The following KCNIP1 variants were observed in gnomAD, a reference collection of about 807,000 sequenced individuals.
KCNIP1 encodes potassium voltage-gated channel interacting protein 1.
In KCNIP1, 18 loss-of-function variants were observed where a neutral mutation model predicts 33.0. The observed-to-expected ratio is 0.55, with a 90% CI of 0.38 to 0.81. The LOEUF (loss-of-function observed/expected upper bound fraction) is 0.81, where lower values mean the gene tolerates loss of function less well. Among genes scored for constraint, KCNIP1 ranks in the 30% least tolerant of loss-of-function variants. The pLI is 0.00. For missense variants in KCNIP1, 238 were observed against 271.6 expected (o/e 0.88, Z 0.87); for synonymous variants, 93 against 98.3 (o/e 0.95, Z 0.32).
chr5:170,664,387 C>A (rs749952256), intron 1 of KCNIP1, among the ~76,000 whole-genome samples: 6 of 152,306 alleles, frequency 3.9e-5, no homozygotes, highest in South Asian at 4.1e-4. Flanking sequence ...ATTTCCCTCT[C>A]TGCATTATAA....
intron 1 of KCNIP1, chr5:170,382,940 C>CAAGG (rs60329523): frequency 0.06 from 7,919 of 131,092 alleles, 454 homozygotes; most frequent in African/African-American, 0.16. Flanking sequence ...AAGAAGGAAA[C>CAAGG]AAGGAAGGAA....
chr5:170,691,502 C>A (rs1581506022), intron 1 of KCNIP1, among the ~76,000 whole-genome samples: 1 of 152,194 alleles, frequency 6.6e-6, no homozygotes, highest in South Asian at 2.1e-4. Flanking sequence ...GTTTCCTCAT[C>A]TATAAAGTGG....
intron 1 of KCNIP1, among the ~76,000 whole-genome samples, chr5:170,381,706 G>A (rs973908573): frequency 6.6e-6 from 1 of 152,254 alleles, no homozygotes; most frequent in African/African-American, 2.4e-5. Flanking sequence ...AGTTCATTCA[G>A]GGGATGCTCC....
chr5:170,494,846 G>A (rs776179685), intron 1 of KCNIP1, among the ~76,000 whole-genome samples: 9 of 152,150 alleles, frequency 5.9e-5, no homozygotes. Context: ...CAGAGAGATC[G>A]GGTTCAAACC....
chr5:170,735,638 C>T, intron 7 of KCNIP1, 121 bp from the exon 8 acceptor site: 1 of 805,234 alleles, frequency 1.2e-6, no homozygotes, highest in East Asian at 2.5e-5. Context: ...TCTTGTTTTT[C>T]ATACCCTTGT....
intron 1 of KCNIP1, among the ~76,000 whole-genome samples, chr5:170,392,241 C>T (rs931548133): frequency 1.3e-5 from 2 of 152,206 alleles, no homozygotes; most frequent in East Asian, 1.9e-4. Flanking sequence ...CAGCCCCCAG[C>T]CTGCCAGCCT....
chr5:170,640,842 C>T (rs1171722888), intron 1 of KCNIP1, among the ~76,000 whole-genome samples: 1 of 152,074 alleles, frequency 6.6e-6, no homozygotes, highest in African/African-American at 2.4e-5. Context: ...AGAAGGCAGG[C>T]TTGGCATGGG....
At chr5:170,594,604 A>G (rs150041015) in intron 1 of KCNIP1, among the ~76,000 whole-genome samples, 1,639 of 152,170 alleles carry the variant, frequency 0.011, 28 homozygotes, top group African/African-American at 0.037. Flanking sequence ...TCCGCCTCCC[A>G]GGTTCAAGCA....
At chr5:170,505,077 C>T (rs761550571) in intron 1 of KCNIP1, among the ~76,000 whole-genome samples, 10 of 152,192 alleles carry the variant, frequency 6.6e-5, no homozygotes, top group Non-Finnish European at 1.5e-4. Context: ...GTCCCTTCAT[C>T]AGGAAGAGTG....
At chr5:170,417,270 T>G (rs1486731835) in intron 1 of KCNIP1, among the ~76,000 whole-genome samples, 3 of 152,254 alleles carry the variant, frequency 2.0e-5, no homozygotes, top group Admixed American at 6.5e-5. Flanking sequence ...GGATTTCTAT[T>G]GACTTTTAAT....
At chr5:170,367,412 AG>A (rs1763712719) in intron 1 of KCNIP1, among the ~76,000 whole-genome samples, 1 of 104,040 alleles carries the variant, frequency 9.6e-6, no homozygotes. Flanking sequence ...AAAGAAAGAA[AG>A]AAAGAAAGGA....
At chr5:170,599,358 C>G (rs147480115) in intron 1 of KCNIP1, among the ~76,000 whole-genome samples, 286 of 152,252 alleles carry the variant, frequency 1.9e-3, no homozygotes, top group African/African-American at 6.6e-3. Flanking sequence ...TAAGAAGACT[C>G]CTCACTCCCC....
chr5:170,441,688 G>A (rs535826661), intron 1 of KCNIP1, among the ~76,000 whole-genome samples: 4 of 152,142 alleles, frequency 2.6e-5, no homozygotes, highest in African/African-American at 4.8e-5. Context: ...CAAGTGGGCC[G>A]GGCGCCGTGG....
chr5:170,570,044 C>T (rs1757346871), intron 1 of KCNIP1, among the ~76,000 whole-genome samples: 1 of 152,206 alleles, frequency 6.6e-6, no homozygotes, highest in Non-Finnish European at 1.5e-5. Context: ...ATCTGCAACA[C>T]TCTCCTGTTT....
chr5:170,591,074 A>G (rs1007739082), intron 1 of KCNIP1, among the ~76,000 whole-genome samples: 4 of 152,246 alleles, frequency 2.6e-5, no homozygotes, highest in East Asian at 1.9e-4. Flanking sequence ...CACCATGCCC[A>G]TGGAGCATCT....
chr5:170,680,033 AGT>A (rs1179021647), intron 1 of KCNIP1, among the ~76,000 whole-genome samples: 1 of 152,210 alleles, frequency 6.6e-6, no homozygotes, highest in Non-Finnish European at 1.5e-5. Flanking sequence ...GATTCAAGAG[AGT>A]GTCTTTGCTC....
At chr5:170,421,495 G>A (rs879499249) in intron 1 of KCNIP1, among the ~76,000 whole-genome samples, 5 of 152,072 alleles carry the variant, frequency 3.3e-5, no homozygotes, top group Non-Finnish European at 7.4e-5. Context: ...TGAAGGCTGG[G>A]AAATCCATGA....
At chr5:170,719,787 T>G (rs1256763759) in intron 2 of KCNIP1, among the ~76,000 whole-genome samples, 1 of 152,216 alleles carries the variant, frequency 6.6e-6, no homozygotes, top group Non-Finnish European at 1.5e-5. Context: ...TTTCCTACCA[T>G]TAGGGCTTCT....
intron 1 of KCNIP1, among the ~76,000 whole-genome samples, chr5:170,384,583 TG>T (rs1764388678): frequency 6.6e-6 from 1 of 152,232 alleles, no homozygotes. Flanking sequence ...CCAAGTATCC[TG>T]TGGGAGACCC....
Sources: allele counts gnomAD v4.1 joint callset (sites outside exome capture counted in the v4.1 genomes callset), GRCh38; gene constraint gnomAD v4.1.1; transcripts MANE v1.5; gene names NCBI Gene and HGNC (gene_info 2026-07-23, HGNC 2026-07-21).